The following USP15 variants were observed in gnomAD, a reference collection of about 807,000 sequenced individuals.
USP15 encodes ubiquitin carboxyl-terminal hydrolase 15.
USP15 carries 18 observed loss-of-function variants against 127.1 expected under a neutral mutation model. That is an observed-to-expected ratio of 0.14 (90% CI 0.10 to 0.21). The LOEUF (loss-of-function observed/expected upper bound fraction) is 0.21, where lower values mean the gene tolerates loss of function less well. Ranked by LOEUF, USP15 falls within the 10% of genes least tolerant of loss-of-function variation. The probability of loss-of-function intolerance (pLI) is 1.00; values close to 1 mark genes in which losing one functional copy is unlikely to be tolerated. For missense variants in USP15, 805 were observed against 1,159.9 expected, an observed-to-expected ratio of 0.69 and a Z score of 4.44; for synonymous variants, 364 against 393.7, an observed-to-expected ratio of 0.92 and a Z score of 0.89.
chr12:62,393,305 C>A (rs879821405), intron 19 of USP15, 103 bp downstream of exon 19: 1 of 1,329,606 alleles, frequency 7.5e-7, no homozygotes, highest in Middle Eastern at 2.5e-4. Flanking sequence ...GCCATTGGAC[C>A]CAATTTCAGC....
intron 6 of USP15, among the ~76,000 whole-genome samples, chr12:62,337,276 T>A (rs2065496666): frequency 1.3e-5 from 2 of 152,050 alleles, no homozygotes; most frequent in Admixed American, 1.3e-4. Flanking sequence ...GCTGTATTAG[T>A]CCATTTTCAT....
chr12:62,393,028 G>A, intron 18 of USP15, 25 bp from the exon 19 acceptor site: 1 of 1,610,910 alleles, frequency 6.2e-7, no homozygotes, highest in South Asian at 1.1e-5. Context: ...TCTATCAAGT[G>A]TTAAATACTT....
intron 1 of USP15, chr12:62,267,111 A>G (rs544964081): frequency 7.9e-5 from 12 of 152,236 alleles, no homozygotes; most frequent in African/African-American, 2.9e-4. Flanking sequence ...CAATTACTAA[A>G]TACTTTTTTT....
At chr12:62,358,329 T>A (rs2066203386) in intron 8 of USP15, among the ~76,000 whole-genome samples, 1 of 152,188 alleles carries the variant, frequency 6.6e-6, no homozygotes, top group South Asian at 2.1e-4. Context: ...AATTTAATGA[T>A]ATTGGTACTT....
At chr12:62,354,117 G>T (rs2066045982) in intron 7 of USP15, among the ~76,000 whole-genome samples, 1 of 150,878 alleles carries the variant, frequency 6.6e-6, no homozygotes, top group Non-Finnish European at 1.5e-5. Flanking sequence ...TTTCTCTGGG[G>T]GTGGTGTGTG....
At chr12:62,266,051 C>T (rs1487954165) in intron 1 of USP15, among the ~76,000 whole-genome samples, 1 of 152,112 alleles carries the variant, frequency 6.6e-6, no homozygotes, top group Admixed American at 6.5e-5. Flanking sequence ...TTAAAACATG[C>T]TTAAAGATTG....
In USP15 at chr12:62,407,801, ACATAAT is replaced by A. The variant is rs1452729986; in HGVS notation, c.*3431_*3436del. 1.3e-5 allele frequency: 2 copies of A among 151,990 alleles called. No individual in the cohort carries two copies. Among genetic ancestry groups the A allele is most frequent in the South Asian group, 2.1e-4 (1 of 4,824 alleles). The allele number at this position is 151,990 out of a possible 1,614,324, so 9.4% of individuals were successfully genotyped here. A position where few individuals can be genotyped will look rare whatever the true frequency, so the allele number is the denominator to read the frequency against. ...CTGTCGCCCAGGCTGGAGTGCAGTG[ACATAAT>A]CATAGTTCACTGTAACCTTGAACTC... On this transcript the variant is annotated 3_prime_UTR_variant, in exon 22 of 22. Coordinates refer to ENST00000280377, the MANE Select transcript of USP15 (RefSeq NM_001252078.2).
rs936704842 is a variant in USP15 at position 62,409,166 on chromosome 12, C to G, written c.*4791C>G. ...TATATGCATCGGGAAACATACCCCACACGGTGCCATGGTTTAATTATTCCC... is the reference window on the plus strand; with the variant it reads ...TATATGCATCGGGAAACATACCCCAGACGGTGCCATGGTTTAATTATTCCC... On this transcript the variant is annotated 3_prime_UTR_variant, in exon 22 of 22. Coordinates refer to ENST00000280377, the MANE Select transcript of USP15 (RefSeq NM_001252078.2). 1 of 152,152 alleles carries G rather than the reference C, an allele frequency of 6.6e-6. No individual in the cohort carries two copies. Among genetic ancestry groups the G allele is most frequent in the African/African-American group, 2.4e-5 (1 of 41,450 alleles). 9.4% of individuals were successfully genotyped at this position (152,152 alleles called of 1,614,324 possible).
intron 8 of USP15, among the ~76,000 whole-genome samples, chr12:62,358,761 A>G (rs2066219736): frequency 1.3e-5 from 2 of 152,178 alleles, no homozygotes; most frequent in Non-Finnish European, 2.9e-5. Context: ...GTGAATTTTA[A>G]AACAATGCAG....
chr12:62,365,922 T>C (rs1461169154), intron 8 of USP15, among the ~76,000 whole-genome samples: 1 of 152,240 alleles, frequency 6.6e-6, no homozygotes, highest in Non-Finnish European at 1.5e-5. Context: ...ATATCTGTTT[T>C]GGTACCAGTA....
intron 6 of USP15, among the ~76,000 whole-genome samples, chr12:62,338,564 T>A (rs754636926): frequency 5.0e-4 from 76 of 152,220 alleles, no homozygotes; most frequent in Non-Finnish European, 3.2e-4. Flanking sequence ...GACTGTGTCC[T>A]GAATGGTATT....
intron 3 of USP15, 175 bp downstream of exon 3, chr12:62,303,095 C>G: frequency 1.6e-6 from 1 of 614,596 alleles, no homozygotes; most frequent in Non-Finnish European, 2.7e-6. Context: ...TTTACTTATG[C>G]TAGCCACTAT....
chr12:62,357,895 A>G (rs746643190), intron 8 of USP15, among the ~76,000 whole-genome samples: 34 of 152,130 alleles, frequency 2.2e-4, no homozygotes, highest in Non-Finnish European at 4.1e-4. Context: ...CATGTAGTTC[A>G]TAGATCCAAA....
At chr12:62,306,413 G>A (rs1014707236) in intron 3 of USP15, among the ~76,000 whole-genome samples, 4 of 152,134 alleles carry the variant, frequency 2.6e-5, no homozygotes, top group South Asian at 2.1e-4. Flanking sequence ...TAAACAAACC[G>A]TTAGTAGATT....
intron 4 of USP15, among the ~76,000 whole-genome samples, chr12:62,321,071 A>G (rs1159442890): frequency 6.6e-6 from 1 of 152,098 alleles, no homozygotes; most frequent in South Asian, 2.1e-4. Context: ...TACTTAAAAA[A>G]TTTTGCACAC....
At chr12:62,373,874 A>G (rs1003529401) in intron 8 of USP15, among the ~76,000 whole-genome samples, 2 of 151,988 alleles carry the variant, frequency 1.3e-5, no homozygotes, top group Non-Finnish European at 2.9e-5. Flanking sequence ...CTTAAAATAT[A>G]TCATTTTAAA....
intron 1 of USP15, among the ~76,000 whole-genome samples, chr12:62,283,967 T>C (rs540568714): frequency 6.6e-6 from 1 of 152,192 alleles, no homozygotes; most frequent in South Asian, 2.1e-4. Flanking sequence ...AAATATTATT[T>C]CTATGCATCA....
intron 1 of USP15, among the ~76,000 whole-genome samples, chr12:62,262,218 A>G (rs963691990): frequency 6.6e-6 from 1 of 152,170 alleles, no homozygotes; most frequent in African/African-American, 2.4e-5. Context: ...AGCCTGGGCA[A>G]CGTGAGACTC....
At chr12:62,307,844 T>C (rs1170306768) in intron 3 of USP15, among the ~76,000 whole-genome samples, 1 of 152,114 alleles carries the variant, frequency 6.6e-6, no homozygotes, top group Non-Finnish European at 1.5e-5. Context: ...CATCATTCAC[T>C]TCACCTCTTC....
Sources: gnomAD v4.1 joint callset for allele counts (sites outside exome capture counted in the v4.1 genomes callset) on GRCh38, gnomAD v4.1.1 for gene constraint, MANE v1.5 for transcripts, NCBI Gene and HGNC (gene_info 2026-07-23, HGNC 2026-07-21) for gene names.